SYT9: variants seen among roughly 807,000 people sequenced by gnomAD.
The protein encoded by SYT9 is synaptotagmin 9, also known as synaptotagmin-9.
Under a neutral mutation model 48.4 loss-of-function variants are expected in SYT9, and 22 were observed. That is an observed-to-expected ratio of 0.45 (90% confidence interval 0.32 to 0.65). The LOEUF (loss-of-function observed/expected upper bound fraction) is 0.65, where lower values mean the gene tolerates loss of function less well. Among genes scored for constraint, SYT9 ranks in the 30% least tolerant of loss-of-function variants. SYT9 has a pLI of 0.03. For synonymous variants in SYT9, 265 were observed against 245.0 expected (o/e 1.08, Z -0.76); for missense variants, 577 against 622.0 (o/e 0.93, Z 0.77).
intron 6 of SYT9, among the ~76,000 whole-genome samples, chr11:7,459,424 G>A (rs186515098): frequency 3.3e-5 from 5 of 152,292 alleles, no homozygotes; most frequent in Non-Finnish European, 7.3e-5. Flanking sequence ...CTGAGAAGGA[G>A]CAAGTCATTG....
intron 3 of SYT9, among the ~76,000 whole-genome samples, chr11:7,338,930 T>C (rs915711246): frequency 6.6e-6 from 1 of 152,196 alleles, no homozygotes; most frequent in African/African-American, 2.4e-5. Flanking sequence ...TGTTGAATAA[T>C]GGCAGTGGGG....
intron 1 of SYT9, among the ~76,000 whole-genome samples, chr11:7,274,292 T>G (rs143402497): frequency 6.6e-6 from 1 of 151,942 alleles, no homozygotes; most frequent in Non-Finnish European, 1.5e-5. Context: ...TCTACACTCT[T>G]TCCTTATATC....
rs114557385 is a variant in SYT9 at position 7,424,493 on chromosome 11, A to C, written c.1467+3858A>C. Among the ~76,000 whole-genome samples, 1,386 of 152,340 alleles carry C rather than the reference A, an allele frequency of 9.1e-3. 28 individuals carry two copies. Among genetic ancestry groups the C allele is most frequent in the African/African-American group, 0.032 (1,318 of 41,578 alleles). On this transcript the variant is annotated intron_variant, in intron 6 of 6. Coordinates refer to ENST00000318881, the MANE Select transcript of SYT9 (RefSeq NM_175733.4). ...CTGCCTCCTGTATGTCAAGATGACC[A>C]ACATCATAAGCCTCATGGAGAATAA...
chr11:7,382,688 A>T (rs1850588272), intron 3 of SYT9, among the ~76,000 whole-genome samples: 1 of 152,172 alleles, frequency 6.6e-6, no homozygotes, highest in Non-Finnish European at 1.5e-5. Flanking sequence ...CTTTTCGTTG[A>T]CCGTAAGGAG....
chr11:7,393,200 G>C (rs1165098726), intron 3 of SYT9, among the ~76,000 whole-genome samples: 1 of 151,894 alleles, frequency 6.6e-6, no homozygotes, highest in African/African-American at 2.4e-5. Context: ...AATGCTACCA[G>C]CTTTTGTTCA....
At chr11:7,273,999 A>G (rs1170471079) in intron 1 of SYT9, among the ~76,000 whole-genome samples, 2 of 152,186 alleles carry the variant, frequency 1.3e-5, no homozygotes, top group African/African-American at 2.4e-5. Flanking sequence ...GCAAACCACC[A>G]TGGCACATGT....
At chr11:7,263,504 A>G (rs960823223) in intron 1 of SYT9, among the ~76,000 whole-genome samples, 2 of 152,222 alleles carry the variant, frequency 1.3e-5, no homozygotes, top group Non-Finnish European at 2.9e-5. Flanking sequence ...AGGGGTGAAT[A>G]AAAATAGAAA....
chr11:7,302,574 A>G (rs1848942617), intron 1 of SYT9, among the ~76,000 whole-genome samples: 1 of 152,230 alleles, frequency 6.6e-6, no homozygotes, highest in African/African-American at 2.4e-5. Context: ...AAAGCACTCT[A>G]GTTTCTCGTA....
At chr11:7,422,178 G>A (rs910128499) in intron 6 of SYT9, among the ~76,000 whole-genome samples, 2 of 152,172 alleles carry the variant, frequency 1.3e-5, no homozygotes, top group South Asian at 2.1e-4. Context: ...AACACAGGGC[G>A]GCTGTGGAGA....
chr11:7,368,945 G>A (rs1212752599), intron 3 of SYT9, among the ~76,000 whole-genome samples: 2 of 152,156 alleles, frequency 1.3e-5, no homozygotes, highest in African/African-American at 4.8e-5. Flanking sequence ...ACAAACATAT[G>A]TGTGCATGTG....
At chr11:7,293,066 T>C (rs1589919948) in intron 1 of SYT9, among the ~76,000 whole-genome samples, 1 of 151,976 alleles carries the variant, frequency 6.6e-6, no homozygotes, top group Non-Finnish European at 1.5e-5. Flanking sequence ...AATGCAGGGG[T>C]GGTGATGCCA....
At chr11:7,365,460 C>CT (rs945809317) in intron 3 of SYT9, among the ~76,000 whole-genome samples, 1 of 152,110 alleles carries the variant, frequency 6.6e-6, no homozygotes, top group Non-Finnish European at 1.5e-5. Flanking sequence ...CATTTTGTTT[C>CT]TTTAACTGTA....
intron 6 of SYT9, among the ~76,000 whole-genome samples, chr11:7,458,870 T>A (rs1848196461): frequency 6.6e-6 from 1 of 152,186 alleles, no homozygotes; most frequent in South Asian, 2.1e-4. Flanking sequence ...ACATGGCAAT[T>A]TTTAAGAGAG....
chr11:7,336,941 G>GT (rs1041820899), intron 3 of SYT9, among the ~76,000 whole-genome samples: 8 of 152,160 alleles, frequency 5.3e-5, no homozygotes, highest in Admixed American at 6.6e-5. Flanking sequence ...GCTTTGGGCA[G>GT]TGTGGCCATT....
At chr11:7,270,551 G>A (rs920915705) in intron 1 of SYT9, among the ~76,000 whole-genome samples, 2 of 152,138 alleles carry the variant, frequency 1.3e-5, no homozygotes, top group Admixed American at 6.5e-5. Flanking sequence ...CATGTTTTTA[G>A]TGGTTATTAT....
chr11:7,253,092 A>G (rs1323220896), intron 1 of SYT9, among the ~76,000 whole-genome samples: 3 of 152,248 alleles, frequency 2.0e-5, no homozygotes, highest in South Asian at 4.1e-4. Flanking sequence ...CATTTGACCA[A>G]TTAAGGTTGG....
At chr11:7,327,944 G>A (rs1344743550) in intron 3 of SYT9, among the ~76,000 whole-genome samples, 2 of 98,818 alleles carry the variant, frequency 2.0e-5, no homozygotes, top group Admixed American at 1.1e-4. Flanking sequence ...AGGGGGGAGG[G>A]ATAGCATTGG....
chr11:7,422,358 A>G (rs988690335), intron 6 of SYT9, among the ~76,000 whole-genome samples: 1 of 152,164 alleles, frequency 6.6e-6, no homozygotes, highest in Non-Finnish European at 1.5e-5. Context: ...GTTCTTAAGG[A>G]TAGTTCTGCC....
chr11:7,334,209 G>C (rs775106637), intron 3 of SYT9, among the ~76,000 whole-genome samples: 1 of 151,046 alleles, frequency 6.6e-6, no homozygotes, highest in Non-Finnish European at 1.5e-5. Flanking sequence ...ATGGAAGAGA[G>C]ACCAGAACTC....
Sources: allele counts gnomAD v4.1 joint callset (sites outside exome capture counted in the v4.1 genomes callset), GRCh38; gene constraint gnomAD v4.1.1; transcripts MANE v1.5; gene names NCBI Gene and HGNC (gene_info 2026-07-23, HGNC 2026-07-21).